RPAIN: variants seen among roughly 807,000 people sequenced by gnomAD.
RPAIN encodes RPA-interacting protein.
Under a neutral mutation model 30.5 loss-of-function variants are expected in RPAIN, and 29 were observed. That is an observed-to-expected ratio of 0.95 (90% CI 0.71 to 1.30). RPAIN has a LOEUF of 1.30. Ranked by LOEUF, RPAIN falls within the 50% of genes most tolerant of loss-of-function variation. The probability of loss-of-function intolerance (pLI) is 0.00; values close to 1 mark genes in which losing one functional copy is unlikely to be tolerated. For missense variants in RPAIN, 247 were observed against 264.7 expected, an observed-to-expected ratio of 0.93 and a Z score of 0.46; for synonymous variants, 101 against 93.5, an observed-to-expected ratio of 1.08 and a Z score of -0.46.
Position 5,431,662 on chromosome 17 carries a change from C to T in RPAIN, c.631-880C>T, listed in dbSNP as rs1232785953. On this transcript the variant is annotated intron_variant, in intron 6 of 6. Transcript: ENST00000381209. ...CCAGTGAGGTCAGGACGTAGGGACG[C>T]TCAGGACAGATGGCTGAGGATGTGT... The T allele has an allele frequency of 1.5e-5, 7 of 456,256 alleles. 1 individual carries two copies. Among genetic ancestry groups the T allele is most frequent in the South Asian group, 9.3e-5 (6 of 64,392 alleles). 28.3% of individuals were successfully genotyped at this position (456,256 alleles called of 1,614,324 possible). A position where few individuals can be genotyped will look rare whatever the true frequency, so the allele number is the denominator to read the frequency against.
chr17:5,420,215 C>G lies in RPAIN; in HGVS notation c.5C>G (p.Ala2Gly). The change falls in exon 1 of 7, where the codon GCG (alanine) becomes GGG (glycine). Residue 2 changes from alanine to glycine, a missense_variant. Transcript: ENST00000381209. The stretch of plus-strand genomic sequence containing the variant: ...TTTGTCTCCCGCGAAGAGGAGATGG[C>G]GGAGTCGTTGAGGTCTCCGCGCCGC... MAESLRSPRRSL... is the reference protein window; with the variant it reads MGESLRSPRRSL... 1.2e-6 allele frequency: 2 copies of G among 1,613,030 alleles called. No homozygotes were observed. Among genetic ancestry groups the G allele is most frequent in the Non-Finnish European group, 1.7e-6 (2 of 1,179,732 alleles).
chr17:5,429,441 T>A, intron 6 of RPAIN: 1 of 985,356 alleles, frequency 1.0e-6, no homozygotes, highest in Non-Finnish European at 1.2e-6. Context: ...CTGTTAGGAA[T>A]AGGAAACAGA....
At chr17:5,432,095 C>CT in intron 6 of RPAIN, 2 of 217,794 alleles carry the variant, frequency 9.2e-6, no homozygotes, top group East Asian at 2.5e-4. Context: ...CTGATCATGT[C>CT]TTTACATGTT....
chr17:5,427,587 CTTTT>C (rs34395294), intron 5 of RPAIN: 1 of 150,018 alleles, frequency 6.7e-6, no homozygotes, highest in African/African-American at 2.5e-5. Context: ...TTCTTTCTTT[CTTTT>C]TTTTTTAAGC....
At position 5,428,168 on chromosome 17, in the gene RPAIN, C is replaced by T. The variant is rs146076086; in HGVS notation, c.587C>T (p.Thr196Ile). 2.4e-5 allele frequency: 38 copies of T among 1,614,088 alleles called. No homozygotes were observed. The highest frequency in any genetic ancestry group is 6.7e-5 in the Admixed American group (4 of 60,002). Residue 196 changes from threonine (T) to isoleucine (I), a missense_variant, in exon 6 of 7, where the codon ACT (threonine) becomes ATT (isoleucine). Physicochemically the swap from Thr to Ile is moderately conservative, Grantham distance 89. Transcript: ENST00000381209. The part of the protein sequence containing the change: ...HCPHTPEFSV[T>I]GGTEEKSSLL... ...CCCCACACACCTGAATTTTCAGTCA[C>T]TGGAGGAACAGAAGAAAAGTCCAGT...
chr17:5,423,825 CCACTG>C (rs1349226496), intron 3 of RPAIN, among the ~76,000 whole-genome samples: 4 of 151,064 alleles, frequency 2.6e-5, no homozygotes, highest in Non-Finnish European at 5.9e-5. Context: ...TGATCACGGC[CCACTG>C]CAGCCTTGAC....
intron 1 of RPAIN, 84 bp downstream of exon 1, chr17:5,420,375 G>A (rs1280096759): frequency 1.9e-5 from 23 of 1,179,596 alleles, no homozygotes; most frequent in Non-Finnish European, 2.8e-5. Context: ...GCCCTGCTCC[G>A]TGGAGCAGGT....
At position 5,426,010 on chromosome 17, in the gene RPAIN, T is replaced by C. The variant is rs1419414052; in HGVS notation, c.353T>C (p.Phe118Ser). The C allele has an allele frequency of 1.9e-6, 3 of 1,613,994 alleles. No individual in the cohort carries two copies. Among genetic ancestry groups the C allele is most frequent in the African/African-American group, 2.7e-5 (2 of 75,046 alleles). Reference protein sequence around the residue: ...IISEYEKSLQFDEKCLSIMLA... With the variant: ...IISEYEKSLQSDEKCLSIMLA... ...AGCGAGTATGAGAAGAGCTTGCAGT[T>C]TGATGAAAAGTGTCTCAGCATCATG... The change falls in exon 4 of 7, where the codon TTT becomes TCT. Residue 118 changes from phenylalanine (F) to serine (S), a missense_variant. By Grantham distance (155) the Phe-to-Ser change is radical. Transcript: ENST00000381209.
At chr17:5,432,262 T>G in intron 6 of RPAIN, 1 of 378,594 alleles carries the variant, frequency 2.6e-6, no homozygotes. Context: ...GGTTTCCTGA[T>G]GGTGAGGATG....
intron 6 of RPAIN, 137 bp from the exon 7 acceptor site, chr17:5,432,405 T>C: frequency 5.1e-6 from 4 of 787,500 alleles, no homozygotes; most frequent in East Asian, 2.6e-5. Context: ...CATGACAAAC[T>C]ACACTACTGA....
chr17:5,429,405 T>G (rs549608788), intron 6 of RPAIN: 2 of 985,286 alleles, frequency 2.0e-6, no homozygotes, highest in East Asian at 1.1e-4. Flanking sequence ...GCTGGAGCAT[T>G]AGGTTCATGA....
intron 3 of RPAIN, chr17:5,425,382 C>T (rs1344851948): frequency 6.6e-6 from 3 of 451,634 alleles, no homozygotes; most frequent in East Asian, 1.4e-4. Flanking sequence ...GTCACTCAGG[C>T]TGGAGTGCAG....
In RPAIN at chr17:5,426,253, C is replaced by G; in HGVS notation, c.443C>G (p.Thr148Arg). 6.2e-7 allele frequency: 1 copy of G among 1,614,208 alleles called. No individual in the cohort carries two copies. Among genetic ancestry groups the G allele is most frequent in the Non-Finnish European group, 8.5e-7 (1 of 1,180,008 alleles). Residue 148 changes from threonine (T) to arginine (R), a missense_variant, in exon 5 of 7, where the codon ACA (threonine) becomes AGA (arginine). Transcript: ENST00000381209. Reference sequence around the variant, plus strand: ...GCTTCTAGGTACAACCTGAGAATCACAAGCGGTGTGGTGGTGTGTCAGTGT... The same window carrying G: ...GCTTCTAGGTACAACCTGAGAATCAGAAGCGGTGTGGTGGTGTGTCAGTGT... ...PVCTKYNLRI[T>R]SGVVVCQCGL...
chr17:5,432,690 CT>C lies in RPAIN; in HGVS notation c.*120del. The C allele has an allele frequency of 1.8e-6, 2 of 1,081,886 alleles. No individual in the cohort carries two copies. Among genetic ancestry groups the C allele is most frequent in the Non-Finnish European group, 2.7e-6 (2 of 736,298 alleles). 67.0% of individuals were successfully genotyped at this position (1,081,886 alleles called of 1,614,324 possible). On this transcript the variant is annotated 3_prime_UTR_variant, in exon 7 of 7. Coordinates refer to ENST00000381209, the MANE Select transcript of RPAIN (RefSeq NM_001033002.4). ...TTTGTATTGAAACTTTTAAACAATA[CT>C]GAAGAAAAAAAAACTTTTCCGACAT...
intron 3 of RPAIN, 89 bp downstream of exon 3, chr17:5,422,918 C>T (rs183116896): frequency 3.0e-6 from 3 of 992,826 alleles, no homozygotes; most frequent in East Asian, 5.2e-5. Context: ...TTATAAGTCC[C>T]CTTTGTCTAC....
At position 5,422,378 on chromosome 17, in the gene RPAIN, AT is replaced by A. The variant is rs772200217; in HGVS notation, c.253-390del. ...CTTTTGTGTGTCCTGCAGTACACCA[AT>A]GTTTGCCTTATATCACCACAACTAG... On this transcript the variant is annotated intron_variant, in intron 2 of 6. Transcript: ENST00000381209. Among the ~76,000 whole-genome samples, 2 of 152,226 alleles carry A rather than the reference AT, an allele frequency of 1.3e-5. 1 individual carries two copies. Among genetic ancestry groups the A allele is most frequent in the Non-Finnish European group, 2.9e-5 (2 of 68,032 alleles).
chr17:5,423,838 G>A (rs1915111633), intron 3 of RPAIN, among the ~76,000 whole-genome samples: 1 of 151,442 alleles, frequency 6.6e-6, no homozygotes, highest in Non-Finnish European at 1.5e-5. Flanking sequence ...CTGCAGCCTT[G>A]ACCTCCTGGG....
In RPAIN at chr17:5,420,296, G is replaced by C; in HGVS notation, c.81+5G>C. Reference sequence around the variant, plus strand: ...TGGAAAGAGGCTTTCCGGCAGGTGGGTATGGGGTTTGTGCAGTGGTCTACC... The same window carrying C: ...TGGAAAGAGGCTTTCCGGCAGGTGGCTATGGGGTTTGTGCAGTGGTCTACC... On this transcript the variant is annotated splice_donor_5th_base_variant and intron_variant, in intron 1 of 6. Transcript: ENST00000381209. 2 of 1,613,168 alleles carry C rather than the reference G, an allele frequency of 1.2e-6. No homozygotes were observed. Among genetic ancestry groups the C allele is most frequent in the Non-Finnish European group, 1.7e-6 (2 of 1,179,750 alleles).
chr17:5,431,797 C>T (rs1011807046), intron 6 of RPAIN: 7 of 371,338 alleles, frequency 1.9e-5, no homozygotes, highest in Non-Finnish European at 3.2e-5. Flanking sequence ...GCCAAACCGC[C>T]TATTAGCAGA....
Sources: allele counts gnomAD v4.1 joint callset (sites outside exome capture counted in the v4.1 genomes callset), GRCh38; gene constraint gnomAD v4.1.1; transcripts MANE v1.5; gene names NCBI Gene and HGNC (gene_info 2026-07-23, HGNC 2026-07-21).